The following PDGFD variants were observed in gnomAD, a reference collection of about 807,000 sequenced individuals.
The protein encoded by PDGFD is platelet derived growth factor D.
A neutral mutation model predicts 44.7 loss-of-function variants in PDGFD; 30 were observed. The observed-to-expected ratio is 0.67, with a 90% CI of 0.50 to 0.91. The LOEUF (loss-of-function observed/expected upper bound fraction) is 0.91. PDGFD is among the 40% of genes least tolerant of loss of function. The pLI is 0.00. For synonymous variants in PDGFD, 173 were observed against 168.4 expected (o/e 1.03, Z -0.21); for missense variants, 445 against 457.8 (o/e 0.97, Z 0.25).
At chr11:103,987,145 A>G (rs1240855082) in intron 3 of PDGFD, among the ~76,000 whole-genome samples, 1 of 149,656 alleles carries the variant, frequency 6.7e-6, no homozygotes, top group Non-Finnish European at 1.5e-5. Context: ...GTAATAATAA[A>G]TCTCTGGTCT....
At position 103,937,660 on chromosome 11, in the gene PDGFD, G is replaced by A. The variant is rs924157366; in HGVS notation, c.772+5792C>T. Among the ~76,000 whole-genome samples, 5 of 150,524 alleles carry A rather than the reference G, an allele frequency of 3.3e-5. No homozygotes were observed. In the East Asian group the frequency reaches 7.9e-4, roughly 24 times the overall value. Reference sequence around the variant, plus strand: ...GTTGGTGTGCTGCACCCATTAACTCGTCATTTAACATTAGGTATATCTCCT... The same window carrying A: ...GTTGGTGTGCTGCACCCATTAACTCATCATTTAACATTAGGTATATCTCCT... On this transcript the variant is annotated intron_variant, in intron 5 of 6. Transcript: ENST00000393158.
At chr11:104,129,199 A>C (rs974265809) in intron 1 of PDGFD, among the ~76,000 whole-genome samples, 6 of 150,154 alleles carry the variant, frequency 4.0e-5, no homozygotes, top group African/African-American at 1.2e-4. Context: ...CTAACATCCC[A>C]CTCTGTCACT....
At position 104,161,842 on chromosome 11, in the gene PDGFD, T is replaced by C. The variant is rs556250042; in HGVS notation, c.124+1962A>G. Reference sequence around the variant, plus strand: ...ATGAATATTAACATTTTTTACTCTATATAAAACAAATTTTAATGTGTAACT... The same window carrying C: ...ATGAATATTAACATTTTTTACTCTACATAAAACAAATTTTAATGTGTAACT... On this transcript the variant is annotated intron_variant, in intron 1 of 6. Transcript: ENST00000393158. Among the ~76,000 whole-genome samples, 8 of 152,286 alleles carry C rather than the reference T, an allele frequency of 5.3e-5. No homozygotes were observed. The East Asian group carries it at 1.5e-3, about 29-fold the overall frequency.
At chr11:103,937,716 A>C in intron 5 of PDGFD, among the ~76,000 whole-genome samples, 1 of 90,394 alleles carries the variant, frequency 1.1e-5, no homozygotes, top group Non-Finnish European at 2.0e-5. Context: ...CCCCCACCCC[A>C]CAACAGTCCT....
intron 1 of PDGFD, among the ~76,000 whole-genome samples, chr11:104,134,092 A>T (rs934063583): frequency 2.6e-5 from 4 of 152,142 alleles, no homozygotes; most frequent in African/African-American, 4.8e-5. Flanking sequence ...GAAAATATAA[A>T]CTATATTTTT....
intron 3 of PDGFD, among the ~76,000 whole-genome samples, chr11:103,969,145 C>T (rs1272941010): frequency 6.6e-6 from 1 of 152,102 alleles, no homozygotes; most frequent in Non-Finnish European, 1.5e-5. Context: ...ACGCAGCTGC[C>T]AGTATAGTGC....
chr11:103,934,004 A>T (rs564243380), intron 5 of PDGFD, among the ~76,000 whole-genome samples: 22 of 152,178 alleles, frequency 1.4e-4, no homozygotes, highest in African/African-American at 5.3e-4. Context: ...ACAAGTTAGG[A>T]GATGAAGGTC....
At chr11:103,948,509 T>C (rs2134326307) in intron 3 of PDGFD, among the ~76,000 whole-genome samples, 1 of 152,306 alleles carries the variant, frequency 6.6e-6, no homozygotes, top group Admixed American at 6.5e-5. Context: ...ACCAGGAAGT[T>C]TAAAAAACAT....
chr11:103,945,244 T>C (rs925734870), intron 4 of PDGFD, among the ~76,000 whole-genome samples: 1 of 152,166 alleles, frequency 6.6e-6, no homozygotes, highest in African/African-American at 2.4e-5. Context: ...TTGTTCCTTC[T>C]GTTTCTGATA....
chr11:103,941,213 G>A (rs373943487), intron 5 of PDGFD, among the ~76,000 whole-genome samples: 1 of 152,030 alleles, frequency 6.6e-6, no homozygotes. Flanking sequence ...TCTGGGGTGG[G>A]ACTAGGCATC....
At chr11:104,147,475 C>T (rs1468482252) in intron 1 of PDGFD, among the ~76,000 whole-genome samples, 5 of 152,004 alleles carry the variant, frequency 3.3e-5, no homozygotes, top group Non-Finnish European at 4.4e-5. Context: ...AACAATGATC[C>T]ACCAATAGCT....
At chr11:104,139,004 C>T (rs1398111320) in intron 1 of PDGFD, among the ~76,000 whole-genome samples, 1 of 152,084 alleles carries the variant, frequency 6.6e-6, no homozygotes, top group Non-Finnish European at 1.5e-5. Flanking sequence ...TCAGGTGATC[C>T]GCCTGCCTCA....
At chr11:103,970,367 G>A (rs971236501) in intron 3 of PDGFD, among the ~76,000 whole-genome samples, 5 of 151,842 alleles carry the variant, frequency 3.3e-5, no homozygotes, top group African/African-American at 7.3e-5. Context: ...CTGAAATTTC[G>A]AACGAGAAAG....
At chr11:103,921,718 T>C (rs563725203) in intron 6 of PDGFD, among the ~76,000 whole-genome samples, 2 of 151,768 alleles carry the variant, frequency 1.3e-5, no homozygotes, top group Non-Finnish European at 2.9e-5. Context: ...TACAAAATTC[T>C]ACCTTAGAAC....
chr11:103,955,537 A>C (rs1220485898), intron 3 of PDGFD, among the ~76,000 whole-genome samples: 1 of 152,260 alleles, frequency 6.6e-6, no homozygotes, highest in Non-Finnish European at 1.5e-5. Context: ...CTTAACAAGT[A>C]TACTTTCTTT....
intron 1 of PDGFD, among the ~76,000 whole-genome samples, chr11:104,096,975 A>T (rs1429882651): frequency 1.3e-5 from 2 of 152,152 alleles, no homozygotes; most frequent in Non-Finnish European, 2.9e-5. Context: ...CTCTTATCTC[A>T]ACACAGCTTT....
At chr11:103,963,133 G>C (rs1315217081) in intron 3 of PDGFD, among the ~76,000 whole-genome samples, 1 of 152,120 alleles carries the variant, frequency 6.6e-6, no homozygotes, top group Non-Finnish European at 1.5e-5. Flanking sequence ...TATTAGAAAA[G>C]TGCCTGTCAC....
chr11:103,953,490 CAT>C (rs781442766), intron 3 of PDGFD, among the ~76,000 whole-genome samples: 132 of 152,222 alleles, frequency 8.7e-4, no homozygotes, highest in African/African-American at 2.1e-3. Context: ...TTTTTGTACA[CAT>C]GTTTTAAAAT....
rs1298876499 is a variant in PDGFD at position 104,059,017 on chromosome 11, G to C, written c.125-58762C>G. Among the ~76,000 whole-genome samples, 4 of 152,302 alleles carry C rather than the reference G, an allele frequency of 2.6e-5. No homozygotes were observed. The South Asian group carries it at 6.2e-4, about 24-fold the overall frequency. ...ACTACAGGGAAGCACCATGGGACATGGGCCATTTTCAGGTGACAAAAATAT... is the reference window on the plus strand; with the variant it reads ...ACTACAGGGAAGCACCATGGGACATCGGCCATTTTCAGGTGACAAAAATAT... On this transcript the variant is annotated intron_variant, in intron 1 of 6. Transcript: ENST00000393158.
Sources: gnomAD v4.1 joint callset for allele counts (sites outside exome capture counted in the v4.1 genomes callset) on GRCh38, gnomAD v4.1.1 for gene constraint, MANE v1.5 for transcripts, NCBI Gene and HGNC (gene_info 2026-07-23, HGNC 2026-07-21) for gene names.